The following LRPPRC variants were observed in gnomAD, a reference collection of about 807,000 sequenced individuals.
The protein encoded by LRPPRC is leucine-rich PPR motif-containing protein, mitochondrial.
A neutral mutation model predicts 180.3 loss-of-function variants in LRPPRC; 120 were observed. The ratio of observed to expected loss-of-function variants is 0.67; its 90% CI spans 0.57 to 0.77. LRPPRC has a LOEUF of 0.77. LRPPRC is among the 30% of genes least tolerant of loss of function. LRPPRC has a pLI of 0.00. For missense variants in LRPPRC, 2,012 were observed against 1,657.2 expected (o/e 1.21, Z -3.72); for synonymous variants, 723 against 600.0 (o/e 1.21, Z -3.00).
At chr2:43,980,569 AAG>A (rs1457273336) in intron 2 of LRPPRC, among the ~76,000 whole-genome samples, 18,457 of 103,072 alleles carry the variant, frequency 0.18, 1,469 homozygotes, top group East Asian at 0.34. Flanking sequence ...AAAAAAAAAA[AAG>A]AAGAAAGAAA....
intron 31 of LRPPRC, chr2:43,903,048 A>G (rs768050135): frequency 6.6e-6 from 1 of 152,186 alleles, no homozygotes; most frequent in South Asian, 2.1e-4. Context: ...GAAGATTCCA[A>G]TGATCCCAGA....
intron 1 of LRPPRC, among the ~76,000 whole-genome samples, chr2:43,988,484 C>T (rs1348787588): frequency 1.3e-5 from 2 of 152,068 alleles, no homozygotes; most frequent in Non-Finnish European, 2.9e-5. Flanking sequence ...TGCAGTGAGC[C>T]GAGATCACGC....
chr2:43,959,989 A>G (rs1292126814), intron 13 of LRPPRC, among the ~76,000 whole-genome samples: 1 of 152,260 alleles, frequency 6.6e-6, no homozygotes, highest in African/African-American at 2.4e-5. Flanking sequence ...TGGGCAAATC[A>G]TTTAACTTCT....
chr2:43,995,619 C>T (rs537046474), intron 1 of LRPPRC, among the ~76,000 whole-genome samples, 180 bp downstream of exon 1: 141 of 152,324 alleles, frequency 9.3e-4, no homozygotes, highest in African/African-American at 3.3e-3. Flanking sequence ...CTTCTGAAGG[C>T]GCTTAACCCT....
chr2:43,984,991 T>A (rs7420028), intron 1 of LRPPRC, among the ~76,000 whole-genome samples: 6 of 151,366 alleles, frequency 4.0e-5, no homozygotes, highest in East Asian at 3.8e-4. Flanking sequence ...TCAGTTTTTT[T>A]AAAAAAATTA....
chr2:43,973,576 C>A (rs377692522), intron 11 of LRPPRC, 31 bp downstream of exon 11: 278 of 1,388,070 alleles, frequency 2.0e-4, no homozygotes, highest in Non-Finnish European at 2.7e-4. Flanking sequence ...CTCTGGGAAC[C>A]ATTACAAATC....
At chr2:43,924,826 T>G (rs1199543278) in intron 27 of LRPPRC, among the ~76,000 whole-genome samples, 1 of 152,214 alleles carries the variant, frequency 6.6e-6, no homozygotes, top group Non-Finnish European at 1.5e-5. Context: ...GTGGTTCTGA[T>G]GAAGGTTTTC....
intron 23 of LRPPRC, among the ~76,000 whole-genome samples, chr2:43,937,522 T>C (rs1245479293): frequency 6.6e-6 from 1 of 152,174 alleles, no homozygotes; most frequent in South Asian, 2.1e-4. Context: ...ATGAAAAATA[T>C]GTTTAAAAGC....
At chr2:43,916,362 CAG>C (rs1671467255) in intron 29 of LRPPRC, among the ~76,000 whole-genome samples, 1 of 151,984 alleles carries the variant, frequency 6.6e-6, no homozygotes, top group Admixed American at 6.6e-5. Context: ...AAGCTCATAA[CAG>C]AGGGTTAAAG....
chr2:43,925,843 C>T, intron 26 of LRPPRC, 50 bp downstream of exon 26: 2 of 1,208,234 alleles, frequency 1.7e-6, no homozygotes, highest in Non-Finnish European at 2.5e-6. Context: ...AGGACCCTTG[C>T]CTTCTACTCA....
In LRPPRC at chr2:43,918,087, G is replaced by A. The variant is rs1404214649; in HGVS notation, c.3086C>T (p.Ser1029Leu). 1 of 1,613,312 alleles carries A rather than the reference G, an allele frequency of 6.2e-7. No homozygotes were observed. Among genetic ancestry groups the A allele is most frequent in the Non-Finnish European group, 8.5e-7 (1 of 1,179,810 alleles). Residue 1029 changes from serine (S) to leucine (L), a missense_variant, in exon 29 of 38, where the codon TCA (serine) becomes TTA (leucine). By Grantham distance (145) the Ser-to-Leu change is moderately radical (BLOSUM62 -2). Coordinates refer to ENST00000260665, the MANE Select transcript of LRPPRC (RefSeq NM_133259.4). ...TTTCTGGAAATCAGGTTCTGTGGTT[G>A]AGGCTGACGAAGAATTCAGGGAATG... Reference protein sequence around the residue: ...EKHSLNSSSASTTEPDFQKDI... With the variant: ...EKHSLNSSSALTTEPDFQKDI...
At chr2:43,889,649 T>C (rs145505694) in intron 37 of LRPPRC, 85 bp downstream of exon 37, 3 of 1,109,474 alleles carry the variant, frequency 2.7e-6, no homozygotes, top group African/African-American at 1.6e-5. Flanking sequence ...TGTAATTAAG[T>C]CTTCAACTTA....
In LRPPRC at chr2:43,935,886, G is replaced by C. The variant is rs540098029; in HGVS notation, c.2505-1008C>G. On this transcript the variant is annotated intron_variant, in intron 23 of 37. Transcript: ENST00000260665. ...CCAGCACTTTGGGAGGCCAAGGAGG[G>C]CGGATCACCTGAGGTGGAGAAACCC... Among the ~76,000 whole-genome samples the C allele has an allele frequency of 1.1e-3, 163 of 152,304 alleles. 1 individual carries two copies. The highest frequency in any genetic ancestry group is 3.8e-3 in the African/African-American group (159 of 41,570).
At chr2:43,941,108 C>T (rs574671504) in intron 23 of LRPPRC, among the ~76,000 whole-genome samples, 1 of 152,236 alleles carries the variant, frequency 6.6e-6, no homozygotes, top group South Asian at 2.1e-4. Flanking sequence ...TTTTGGATTT[C>T]CCTTGGCAAA....
At chr2:43,910,326 C>A (rs1671212382) in intron 30 of LRPPRC, among the ~76,000 whole-genome samples, 1 of 151,944 alleles carries the variant, frequency 6.6e-6, no homozygotes, top group African/African-American at 2.4e-5. Flanking sequence ...CCTCTGCCAC[C>A]CAGGTTCAAG....
intron 30 of LRPPRC, among the ~76,000 whole-genome samples, chr2:43,910,116 T>C (rs533133833): frequency 6.6e-6 from 1 of 152,310 alleles, no homozygotes; most frequent in Admixed American, 6.5e-5. Flanking sequence ...ATAGATGTCA[T>C]GACCCACTAA....
intron 6 of LRPPRC, 67 bp downstream of exon 6, chr2:43,976,076 T>G (rs973062439): frequency 3.2e-5 from 29 of 902,024 alleles, no homozygotes; most frequent in Non-Finnish European, 5.0e-5. Context: ...AAAAAAGGAG[T>G]AAAATGACCA....
Position 43,976,974 on chromosome 2 carries a change from A to C in LRPPRC, c.650+20T>G, listed in dbSNP as rs182336741. 132 of 1,603,788 alleles carry C rather than the reference A, an allele frequency of 8.2e-5. No homozygotes were observed. The African/African-American group carries it at 1.7e-3, about 20-fold the overall frequency. On this transcript the variant is annotated intron_variant, in intron 5 of 37. Transcript: ENST00000260665. ...AATGTACAAATTTGTTCGCTTAAAC[A>C]TGTTCATACAGATCCATACCTGGCA...
chr2:43,974,555 G>T lies in LRPPRC; in HGVS notation c.1009+59C>A. ...TGTTAGAAAATGTCCTTTCCATCATGTAAGAATAGCAATTCAGATTTTTAT... is the reference window on the plus strand; with the variant it reads ...TGTTAGAAAATGTCCTTTCCATCATTTAAGAATAGCAATTCAGATTTTTAT... On this transcript the variant is annotated intron_variant, in intron 8 of 37. Transcript: ENST00000260665. 4.2e-6 allele frequency: 5 copies of T among 1,193,894 alleles called. No homozygotes were observed. In the South Asian group the frequency reaches 6.5e-5, roughly 16 times the overall value. The allele number at this position is 1,193,894 out of a possible 1,614,324, so 74.0% of individuals were successfully genotyped here.
Sources: allele counts gnomAD v4.1 joint callset (sites outside exome capture counted in the v4.1 genomes callset), GRCh38; gene constraint gnomAD v4.1.1; transcripts MANE v1.5; gene names NCBI Gene and HGNC (gene_info 2026-07-23, HGNC 2026-07-21).